Variants in SOCS5 observed in about 807,000 individuals in gnomAD.
SOCS5 encodes the protein suppressor of cytokine signaling 5, also known as CIS-6.
A neutral mutation model predicts 42.8 loss-of-function variants in SOCS5; 32 were observed. The ratio of observed to expected loss-of-function variants is 0.75; its 90% confidence interval spans 0.56 to 1.01. The LOEUF is 1.01. SOCS5 is among the 50% of genes least tolerant of loss of function. SOCS5 has a pLI of 0.00. For missense variants in SOCS5, 627 were observed against 653.0 expected, an observed-to-expected ratio of 0.96 and a Z score of 0.43; for synonymous variants, 283 against 229.6, an observed-to-expected ratio of 1.23 and a Z score of -2.10.
intron 1 of SOCS5, among the ~76,000 whole-genome samples, chr2:46,723,650 A>G (rs900280461): frequency 1.5e-4 from 23 of 151,988 alleles, no homozygotes; most frequent in African/African-American, 4.8e-4. Context: ...TCCTTTCCCT[A>G]TATTACAGAA....
chr2:46,745,241 T>C (rs555673713), intron 1 of SOCS5, among the ~76,000 whole-genome samples: 1 of 152,288 alleles, frequency 6.6e-6, no homozygotes, highest in South Asian at 2.1e-4. Flanking sequence ...TGCTTTTCTT[T>C]ATCTGCAAAA....
intron 1 of SOCS5, among the ~76,000 whole-genome samples, chr2:46,706,991 T>C (rs1451948035): frequency 2.0e-5 from 3 of 152,196 alleles, no homozygotes; most frequent in Non-Finnish European, 4.4e-5. Context: ...AAAAATGCTT[T>C]AAAAATTTTT....
intron 1 of SOCS5, among the ~76,000 whole-genome samples, chr2:46,726,348 G>C (rs938335347): frequency 6.6e-6 from 1 of 151,988 alleles, no homozygotes; most frequent in African/African-American, 2.4e-5. Flanking sequence ...CACCCGCCTC[G>C]ACCTCCCAAA....
chr2:46,711,598 G>A (rs971841160), intron 1 of SOCS5, among the ~76,000 whole-genome samples: 3 of 152,102 alleles, frequency 2.0e-5, no homozygotes, highest in African/African-American at 7.2e-5. Context: ...GGCATCTTTC[G>A]ATGAACAAAA....
intron 1 of SOCS5, among the ~76,000 whole-genome samples, chr2:46,728,973 A>C (rs1673054051): frequency 6.6e-6 from 1 of 152,202 alleles, no homozygotes; most frequent in African/African-American, 2.4e-5. Flanking sequence ...TTAGACACAC[A>C]AAATTTCTGG....
intron 1 of SOCS5, among the ~76,000 whole-genome samples, chr2:46,757,836 A>G (rs1673764147): frequency 1.3e-5 from 2 of 152,260 alleles, no homozygotes; most frequent in South Asian, 4.1e-4. Context: ...ATTGCACTCC[A>G]GCATGAACAA....
chr2:46,714,252 C>T (rs1672690132), intron 1 of SOCS5, among the ~76,000 whole-genome samples: 1 of 152,126 alleles, frequency 6.6e-6, no homozygotes, highest in Admixed American at 6.5e-5. Context: ...TTTCCAACTG[C>T]AGTTTTGGAT....
chr2:46,740,629 A>G (rs916769739), intron 1 of SOCS5, among the ~76,000 whole-genome samples: 6 of 152,178 alleles, frequency 3.9e-5, no homozygotes. Context: ...GTCTAGAAGC[A>G]GAGATACCAG....
At chr2:46,749,892 TGAAA>T (rs756775366) in intron 1 of SOCS5, among the ~76,000 whole-genome samples, 3 of 152,098 alleles carry the variant, frequency 2.0e-5, no homozygotes, top group Non-Finnish European at 4.4e-5. Flanking sequence ...CCAGAAGAAC[TGAAA>T]GAAAGAAGTA....
chr2:46,750,729 C>T (rs1016618866), intron 1 of SOCS5, among the ~76,000 whole-genome samples: 6 of 152,034 alleles, frequency 3.9e-5, no homozygotes, highest in Non-Finnish European at 7.4e-5. Flanking sequence ...GTACAGATAC[C>T]GAAACATTGT....
rs752712535 is a variant in SOCS5 at position 46,759,519 on chromosome 2, C to T, written c.989C>T (p.Thr330Ile). 2 of 1,614,004 alleles carry T rather than the reference C, an allele frequency of 1.2e-6. No individual in the cohort carries two copies. The highest frequency in any genetic ancestry group is 1.7e-6 in the Non-Finnish European group (2 of 1,179,874). The stretch of plus-strand genomic sequence containing the variant: ...TGTGACTCGGAAGAGGATACAACCA[C>T]CCTGTGTTTGCAGTCACGGAGGCAG... ...ANCDSEEDTTTLCLQSRRQKQ... is the reference protein window; with the variant it reads ...ANCDSEEDTTILCLQSRRQKQ... Residue 330 changes from threonine (T) to isoleucine (I), a missense_variant, in exon 2 of 2, where the codon ACC becomes ATC. Transcript: ENST00000394861.
chr2:46,707,950 CTG>C (rs1183403850), intron 1 of SOCS5, among the ~76,000 whole-genome samples: 2 of 152,162 alleles, frequency 1.3e-5, no homozygotes, highest in African/African-American at 4.8e-5. Flanking sequence ...AACACGAAGT[CTG>C]TTTTATAATA....
chr2:46,743,601 A>G lies in SOCS5; in HGVS notation c.-12-14918A>G, dbSNP rs141636629. On this transcript the variant is annotated intron_variant, in intron 1 of 1. Transcript: ENST00000394861. Reference sequence around the variant, plus strand: ...GACCTGTATTTTGTGCTGACCTCCTATCTCATCCTGTGACTTAGAATGCCT... The same window carrying G: ...GACCTGTATTTTGTGCTGACCTCCTGTCTCATCCTGTGACTTAGAATGCCT... 1.0e-2 allele frequency among the ~76,000 whole-genome samples: 1,519 copies of G among 152,154 alleles called. 29 individuals carry two copies. Among genetic ancestry groups the G allele is most frequent in the African/African-American group, 0.034 (1,426 of 41,470 alleles).
In SOCS5 at chr2:46,748,624, G is replaced by A. The variant is rs530900275; in HGVS notation, c.-12-9895G>A. Among the ~76,000 whole-genome samples, 7 of 152,086 alleles carry A rather than the reference G, an allele frequency of 4.6e-5. No individual in the cohort carries two copies. In the South Asian group the frequency reaches 1.5e-3, roughly 32 times the overall value. On this transcript the variant is annotated intron_variant, in intron 1 of 1. Coordinates refer to ENST00000394861, the MANE Select transcript of SOCS5 (RefSeq NM_144949.3). Reference sequence around the variant, plus strand: ...TTATTTTCCATTAGTTTTTTTTAGAGCTAAAATTTGGCATAGGAGACAGTA... The same window carrying A: ...TTATTTTCCATTAGTTTTTTTTAGAACTAAAATTTGGCATAGGAGACAGTA...
chr2:46,712,747 T>G (rs1037438414), intron 1 of SOCS5, among the ~76,000 whole-genome samples: 1 of 152,252 alleles, frequency 6.6e-6, no homozygotes, highest in African/African-American at 2.4e-5. Context: ...ATTTGATTAT[T>G]AAACCAACCT....
At chr2:46,703,561 A>G (rs747905342) in intron 1 of SOCS5, among the ~76,000 whole-genome samples, 28 of 152,318 alleles carry the variant, frequency 1.8e-4, no homozygotes, top group Admixed American at 1.1e-3. Context: ...TTAGTTAAAT[A>G]TGGTTTTAGA....
rs1432908801 is a variant in SOCS5 at position 46,759,902 on chromosome 2, C to T, written c.1372C>T (p.His458Tyr). The T allele has an allele frequency of 6.2e-7, 1 of 1,614,088 alleles. No homozygotes were observed. Among genetic ancestry groups the T allele is most frequent in the Non-Finnish European group, 8.5e-7 (1 of 1,179,986 alleles). ...HSSTVTGLLE[H>Y]YKDPSSCMFF... Reference sequence around the variant, plus strand: ...CTCCACTGTAACGGGACTTTTAGAACATTATAAAGATCCCAGTTCGTGCAT... The same window carrying T: ...CTCCACTGTAACGGGACTTTTAGAATATTATAAAGATCCCAGTTCGTGCAT... Residue 458 changes from histidine (H) to tyrosine (Y), a missense_variant, in exon 2 of 2, where the codon CAT becomes TAT. By Grantham distance (83) the His-to-Tyr change is moderately conservative. This residue lies in a region of SOCS5 where 340 missense variants were observed against 367.6 expected (regional missense o/e 0.92). Coordinates refer to ENST00000394861, the MANE Select transcript of SOCS5 (RefSeq NM_144949.3).
intron 1 of SOCS5, among the ~76,000 whole-genome samples, chr2:46,711,710 T>C (rs956619862): frequency 5.3e-5 from 8 of 152,238 alleles, no homozygotes; most frequent in African/African-American, 1.9e-4. Flanking sequence ...TGTGAAGATA[T>C]TATCCTGTTT....
At chr2:46,735,474 A>T (rs186637684) in intron 1 of SOCS5, among the ~76,000 whole-genome samples, 1 of 152,126 alleles carries the variant, frequency 6.6e-6, no homozygotes, top group Admixed American at 6.5e-5. Flanking sequence ...TATGGGGACA[A>T]TTGGCAGTCT....
Sources: gnomAD v4.1 joint callset for allele counts (sites outside exome capture counted in the v4.1 genomes callset) on GRCh38, gnomAD v4.1.1 for gene constraint, gnomAD v4.1.1 regional missense constraint, MANE v1.5 for transcripts, NCBI Gene and HGNC (gene_info 2026-07-23, HGNC 2026-07-21) for gene names.